ABL1: variants seen among roughly 807,000 people sequenced by gnomAD.
ABL1 encodes tyrosine-protein kinase ABL1.
A neutral mutation model predicts 94.7 loss-of-function variants in ABL1; 11 were observed. The observed-to-expected ratio is 0.12, with a 90% CI of 0.07 to 0.19. ABL1 has a LOEUF of 0.19. ABL1 is among the 10% of genes least tolerant of loss of function. ABL1 has a pLI of 1.00. For synonymous variants in ABL1, 656 were observed against 622.4 expected (o/e 1.05, Z -0.80); for missense variants, 1,082 against 1,489.4 (o/e 0.73, Z 4.50).
In ABL1 at chr9:130,735,961, A is replaced by ATATATTTTT. The variant is rs573602038; in HGVS notation, c.136+21507_136+21508insATATTTTTT. Among the ~76,000 whole-genome samples, 671 of 94,728 alleles carry ATATATTTTT rather than the reference A, an allele frequency of 7.1e-3. 8 individuals are homozygous for ATATATTTTT. The highest frequency in any genetic ancestry group is 0.018 in the South Asian group (56 of 3,032). 62.1% of individuals were successfully genotyped at this position (94,728 alleles called of 152,430 possible). On this transcript the variant is annotated intron_variant, in intron 1 of 10. Coordinates refer to the ABL1 transcript ENST00000372348. The stretch of plus-strand genomic sequence containing the variant: ...TATATATATATATATATATATATAT[A>ATATATTTTT]TTTTTTTTTTTTAAGACAGGGTCTG...
intron 1 of ABL1, among the ~76,000 whole-genome samples, chr9:130,846,654 A>G (rs902731983): frequency 3.9e-5 from 6 of 152,278 alleles, no homozygotes; most frequent in East Asian, 1.9e-4. Context: ...GCCAGCAGGA[A>G]GGTGGGAAGC....
chr9:130,713,589 T>C (rs985588222), exon 1 of ABL1, among the ~76,000 whole-genome samples: 1 of 152,132 alleles, frequency 6.6e-6, no homozygotes, highest in African/African-American at 2.4e-5. Flanking sequence ...TCCCCCAAGG[T>C]GGCTCCCGCG....
At chr9:130,758,456 G>A (rs946284101) in intron 1 of ABL1, among the ~76,000 whole-genome samples, 1 of 150,756 alleles carries the variant, frequency 6.6e-6, no homozygotes, top group African/African-American at 2.4e-5. Context: ...CACCAGAGAC[G>A]GAGTCTCACT....
intron 1 of ABL1, among the ~76,000 whole-genome samples, chr9:130,747,138 G>A (rs1040856447): frequency 6.6e-6 from 1 of 152,158 alleles, no homozygotes; most frequent in East Asian, 1.9e-4. Flanking sequence ...ACTTTGGGAA[G>A]CCGAGGAGGG....
At chr9:130,821,349 G>A (rs1006265838) in intron 1 of ABL1, among the ~76,000 whole-genome samples, 7 of 152,108 alleles carry the variant, frequency 4.6e-5, no homozygotes, top group African/African-American at 1.4e-4. Context: ...CTATAGATTT[G>A]TCTTTTCCGT....
Position 130,884,305 on chromosome 9 carries a change from C to G in ABL1, c.2015C>G (p.Ala672Gly). The G allele has an allele frequency of 6.2e-7, 1 of 1,609,768 alleles. No individual in the cohort carries two copies. The highest frequency in any genetic ancestry group is 8.5e-7 in the Non-Finnish European group (1 of 1,178,248). Reference protein sequence around the residue: ...PSNGAGVPNGALRESGGSGFR... With the variant: ...PSNGAGVPNGGLRESGGSGFR... The stretch of plus-strand genomic sequence containing the variant: ...AATGGGGCTGGGGTCCCCAATGGAG[C>G]CCTCCGGGAGTCCGGGGGCTCAGGC... Residue 672 changes from alanine (A) to glycine (G), a missense_variant, in exon 11 of 11, where the codon GCC (alanine) becomes GGC (glycine). By Grantham distance (60) the Ala-to-Gly change is moderately conservative (BLOSUM62 0). This residue lies in a region of ABL1 where 780 missense variants were observed against 835.8 expected (regional missense o/e 0.93). Transcript: ENST00000318560. This position sits in a 1 kb window ranked among gnomAD's most constrained non-coding sequence, Gnocchi z 5.6.
intron 1 of ABL1, among the ~76,000 whole-genome samples, chr9:130,781,605 T>G (rs1829756941): frequency 6.6e-6 from 1 of 152,198 alleles, no homozygotes. Context: ...GATAACATCT[T>G]ACTGTAACAA....
intron 1 of ABL1, among the ~76,000 whole-genome samples, chr9:130,849,442 T>C (rs536111094): frequency 7.9e-5 from 12 of 152,358 alleles, no homozygotes; most frequent in African/African-American, 2.9e-4. Context: ...CAAAAAGATG[T>C]ATCTGCAGAT....
chr9:130,853,486 C>T (rs946845474), intron 1 of ABL1, among the ~76,000 whole-genome samples: 1 of 151,920 alleles, frequency 6.6e-6, no homozygotes, highest in East Asian at 1.9e-4. Context: ...GCAATCTCTG[C>T]TCACTGAGAC....
At chr9:130,783,632 T>C (rs992471763) in intron 1 of ABL1, among the ~76,000 whole-genome samples, 1 of 152,014 alleles carries the variant, frequency 6.6e-6, no homozygotes, top group Non-Finnish European at 1.5e-5. Flanking sequence ...AGTTTGTGCA[T>C]GTGTTTTTTG....
At chr9:130,784,926 C>T (rs370201877) in intron 1 of ABL1, among the ~76,000 whole-genome samples, 5 of 152,292 alleles carry the variant, frequency 3.3e-5, no homozygotes, top group East Asian at 3.9e-4. Context: ...GTTGCATCTG[C>T]GAGGTGGTCT....
chr9:130,885,589 G>A lies in ABL1; in HGVS notation c.3299G>A (p.Cys1100Tyr). The change falls in exon 11 of 11, where the codon TGC becomes TAC. Residue 1100 changes from cysteine to tyrosine, a missense_variant. This residue lies in a region of ABL1 where 780 missense variants were observed against 835.8 expected (regional missense o/e 0.93). Transcript: ENST00000318560. Reference protein sequence around the residue: ...LENNLRELQICPATAGSGPAA... With the variant: ...LENNLRELQIYPATAGSGPAA... ...AATAATCTCCGGGAGCTTCAGATCT[G>A]CCCGGCGACAGCAGGCAGTGGTCCA... The A allele has an allele frequency of 6.2e-7, 1 of 1,613,824 alleles. No homozygotes were observed. The highest frequency in any genetic ancestry group is 8.5e-7 in the Non-Finnish European group (1 of 1,180,040).
chr9:130,820,960 C>T (rs1377089550), intron 1 of ABL1, among the ~76,000 whole-genome samples: 1 of 151,712 alleles, frequency 6.6e-6, no homozygotes, highest in African/African-American at 2.4e-5. Context: ...GACAGAGTCT[C>T]ACTCTGTCAC....
At chr9:130,869,838 A>G (rs1182821921) in intron 4 of ABL1, among the ~76,000 whole-genome samples, 1 of 152,036 alleles carries the variant, frequency 6.6e-6, no homozygotes, top group South Asian at 2.1e-4. Context: ...TTGGTTTTCT[A>G]TTTTGAGATG....
At chr9:130,740,929 G>GTGAGTCAC (rs1831809430) in intron 1 of ABL1, among the ~76,000 whole-genome samples, 1 of 150,134 alleles carries the variant, frequency 6.7e-6, no homozygotes, top group African/African-American at 2.5e-5. Context: ...AATTACAGGT[G>GTGAGTCAC]TGAGTCACTG....
At chr9:130,818,554 C>T (rs1035397032) in intron 1 of ABL1, among the ~76,000 whole-genome samples, 7 of 152,166 alleles carry the variant, frequency 4.6e-5, no homozygotes, top group Non-Finnish European at 8.8e-5. Flanking sequence ...AAATCTTCAC[C>T]TAACTCAAGT....
chr9:130,830,053 A>T (rs921507434), intron 1 of ABL1, among the ~76,000 whole-genome samples: 1 of 152,178 alleles, frequency 6.6e-6, no homozygotes, highest in Non-Finnish European at 1.5e-5. Context: ...AGCCTTTTTT[A>T]CAAGACTTTT....
chr9:130,745,559 T>G (rs1255131313), intron 1 of ABL1, among the ~76,000 whole-genome samples: 1 of 151,574 alleles, frequency 6.6e-6, no homozygotes, highest in Non-Finnish European at 1.5e-5. Flanking sequence ...CATATTCTGG[T>G]CTATAACAGG....
At chr9:130,820,254 A>G (rs1259370615) in intron 1 of ABL1, among the ~76,000 whole-genome samples, 2 of 152,152 alleles carry the variant, frequency 1.3e-5, no homozygotes, top group Non-Finnish European at 2.9e-5. Context: ...TGTACTGCCC[A>G]TAAGATGCAG....
Sources: gnomAD v4.1 joint callset for allele counts (sites outside exome capture counted in the v4.1 genomes callset) on GRCh38, gnomAD v4.1.1 for gene constraint, gnomAD v4.1.1 regional missense constraint, Gnocchi (gnomAD v3.1) non-coding constraint, MANE v1.5 for transcripts, NCBI Gene and HGNC (gene_info 2026-07-23, HGNC 2026-07-21) for gene names.